Variants in CFAP61 observed in about 807,000 individuals in gnomAD.
CFAP61 encodes cilia- and flagella-associated protein 61.
In CFAP61, 107 loss-of-function variants were observed where a neutral mutation model predicts 135.6. The observed-to-expected ratio is 0.79, with a 90% CI of 0.67 to 0.93. CFAP61 has a LOEUF of 0.93. Ranked by LOEUF, CFAP61 falls within the 40% of genes least tolerant of loss-of-function variation. The probability of loss-of-function intolerance (pLI) is 0.00; values close to 1 mark genes in which losing one functional copy is unlikely to be tolerated. For synonymous variants in CFAP61, 575 were observed against 578.5 expected (o/e 0.99, Z 0.09); for missense variants, 1,507 against 1,556.2 (o/e 0.97, Z 0.53).
intron 25 of CFAP61, among the ~76,000 whole-genome samples, chr20:20,341,626 T>C (rs1277235531): frequency 6.6e-6 from 1 of 152,210 alleles, no homozygotes; most frequent in Non-Finnish European, 1.5e-5. Context: ...TTAAACCACT[T>C]TAAATGTAAT....
At chr20:20,249,032 T>A (rs2146980161) in intron 19 of CFAP61, among the ~76,000 whole-genome samples, 1 of 152,312 alleles carries the variant, frequency 6.6e-6, no homozygotes, top group East Asian at 1.9e-4. Context: ...CTTCTCTGTT[T>A]TCGGATGAAG....
chr20:20,277,128 C>T (rs777043987), intron 21 of CFAP61, 38 bp from the exon 22 acceptor site: 3 of 1,519,768 alleles, frequency 2.0e-6, no homozygotes, highest in Admixed American at 1.9e-5. Context: ...TTTTGGTTTT[C>T]TGAACTGTAT....
chr20:20,323,089 C>G, intron 25 of CFAP61: 1 of 985,422 alleles, frequency 1.0e-6, no homozygotes, highest in Non-Finnish European at 1.2e-6. Context: ...GGGCCTAGCC[C>G]CATACCTGTG....
intron 8 of CFAP61, among the ~76,000 whole-genome samples, chr20:20,141,239 A>G (rs1260330496): frequency 6.6e-6 from 1 of 152,116 alleles, no homozygotes; most frequent in East Asian, 1.9e-4. Context: ...ATATTTTTAT[A>G]GGCGTTGGTT....
chr20:20,199,397 A>C (rs1029141473), intron 16 of CFAP61, among the ~76,000 whole-genome samples: 1 of 152,192 alleles, frequency 6.6e-6, no homozygotes, highest in African/African-American at 2.4e-5. Context: ...CCAAACATGC[A>C]AAGGTTAACA....
intron 4 of CFAP61, among the ~76,000 whole-genome samples, 178 bp from the exon 5 acceptor site, chr20:20,075,009 AGT>A (rs1354727973): frequency 6.6e-6 from 1 of 152,226 alleles, no homozygotes; most frequent in Admixed American, 6.5e-5. Context: ...CCCAAGGAAA[AGT>A]AGAGAAGAAA....
chr20:20,139,422 T>C (rs1378794216), intron 8 of CFAP61, among the ~76,000 whole-genome samples: 2 of 152,226 alleles, frequency 1.3e-5, no homozygotes, highest in African/African-American at 2.4e-5. Flanking sequence ...TTACTCCCAC[T>C]AGAGTAAACC....
intron 24 of CFAP61, among the ~76,000 whole-genome samples, chr20:20,295,167 G>A (rs987894052): frequency 2.6e-5 from 4 of 152,062 alleles, no homozygotes; most frequent in Non-Finnish European, 4.4e-5. Flanking sequence ...CCCTCGTCTT[G>A]AGGTGCACAG....
At chr20:20,297,841 CA>C (rs959598399) in intron 24 of CFAP61, among the ~76,000 whole-genome samples, 4 of 152,230 alleles carry the variant, frequency 2.6e-5, no homozygotes, top group African/African-American at 9.6e-5. Context: ...AGAAATTTAA[CA>C]GTGTTAAAAC....
At chr20:20,175,725 G>A (rs1057437822) in intron 13 of CFAP61, among the ~76,000 whole-genome samples, 3 of 151,622 alleles carry the variant, frequency 2.0e-5, no homozygotes, top group East Asian at 1.9e-4. Flanking sequence ...TAGAGACAGG[G>A]TTTCACCGTG....
chr20:20,200,783 G>A (rs148351941), intron 17 of CFAP61: 219 of 985,318 alleles, frequency 2.2e-4, no homozygotes, highest in African/African-American at 1.8e-3. Context: ...CTCGCAATAC[G>A]CTCGGCGCTG....
chr20:20,302,636 T>G (rs1310288806), intron 25 of CFAP61, among the ~76,000 whole-genome samples: 1 of 152,192 alleles, frequency 6.6e-6, no homozygotes, highest in Non-Finnish European at 1.5e-5. Flanking sequence ...CACTCCAGCC[T>G]GGGCGACAGA....
At chr20:20,311,016 T>C (rs900448598) in intron 25 of CFAP61, among the ~76,000 whole-genome samples, 2 of 152,230 alleles carry the variant, frequency 1.3e-5, no homozygotes, top group African/African-American at 4.8e-5. Context: ...CTCAGTCCCA[T>C]GTAGAACCTA....
In CFAP61 at chr20:20,221,368, A is replaced by C. The variant is rs138034752; in HGVS notation, c.1933-6881A>C. On this transcript the variant is annotated intron_variant, in intron 17 of 26. Transcript: ENST00000245957. ...AAGGCAATCATATTTTAATGATCAT[A>C]TGAGCTACTTGTTTGGGGGCTATTA... 8.5e-5 allele frequency: 13 copies of C among 152,314 alleles called. No individual in the cohort carries two copies. In the East Asian group the frequency reaches 2.5e-3, roughly 29 times the overall value. The allele number at this position is 152,314 out of a possible 1,614,324, so 9.4% of individuals were successfully genotyped here.
chr20:20,059,045 A>G (rs910229149), intron 2 of CFAP61, among the ~76,000 whole-genome samples: 1 of 152,172 alleles, frequency 6.6e-6, no homozygotes, highest in Non-Finnish European at 1.5e-5. Flanking sequence ...AGATGATTAA[A>G]GAAGGCCGGA....
At chr20:20,282,864 AGGAGGT>A (rs1036261632) in intron 22 of CFAP61, among the ~76,000 whole-genome samples, 1 of 151,662 alleles carries the variant, frequency 6.6e-6, no homozygotes, top group African/African-American at 2.4e-5. Context: ...TCTTGAACCT[AGGAGGT>A]GGAGGTTGCA....
intron 2 of CFAP61, 24 bp from the exon 3 acceptor site, chr20:20,070,830 T>C: frequency 6.2e-7 from 1 of 1,603,426 alleles, no homozygotes; most frequent in Non-Finnish European, 8.5e-7. Context: ...TTATTCATGT[T>C]TGCAATTGTA....
chr20:20,265,552 G>A (rs979453807), intron 21 of CFAP61: 4 of 773,888 alleles, frequency 5.2e-6, no homozygotes, highest in Non-Finnish European at 9.6e-6. Flanking sequence ...AAGCCATTTG[G>A]AGTGCCTGCT....
chr20:20,355,616 G>GAGGGGAGA (rs2059084284), intron 26 of CFAP61, among the ~76,000 whole-genome samples: 2 of 142,916 alleles, frequency 1.4e-5, no homozygotes, highest in African/African-American at 2.7e-5. Context: ...CACACTGTGA[G>GAGGGGAGA]AGGGGAGAAG....
Sources: allele counts gnomAD v4.1 joint callset (sites outside exome capture counted in the v4.1 genomes callset), GRCh38; gene constraint gnomAD v4.1.1; transcripts MANE v1.5; gene names NCBI Gene and HGNC (gene_info 2026-07-23, HGNC 2026-07-21).